ANKS1B: variants seen among roughly 807,000 people sequenced by gnomAD.
The protein encoded by ANKS1B is ankyrin repeat and sterile alpha motif domain-containing protein 1B.
ANKS1B carries 36 observed loss-of-function variants against 148.3 expected under a neutral mutation model. The ratio of observed to expected loss-of-function variants is 0.24; its 90% CI spans 0.19 to 0.32. The LOEUF (loss-of-function observed/expected upper bound fraction) is 0.32. ANKS1B is among the 10% of genes least tolerant of loss of function. The probability of loss-of-function intolerance (pLI) is 1.00; values close to 1 mark genes in which losing one functional copy is unlikely to be tolerated. For missense variants in ANKS1B, 1,157 were observed against 1,542.6 expected (o/e 0.75, Z 4.19); for synonymous variants, 542 against 560.8 (o/e 0.97, Z 0.47).
intron 9 of ANKS1B, among the ~76,000 whole-genome samples, chr12:99,582,034 G>A (rs1168365026): frequency 6.6e-6 from 1 of 151,708 alleles, no homozygotes; most frequent in Non-Finnish European, 1.5e-5. Context: ...ACTGGTTTTT[G>A]TTTAATCATT....
intron 17 of ANKS1B, among the ~76,000 whole-genome samples, chr12:98,855,754 A>ATT (rs139846381): frequency 6.6e-6 from 1 of 152,006 alleles, no homozygotes; most frequent in East Asian, 1.9e-4. Flanking sequence ...TTGGCCAGTG[A>ATT]TTTTTTTTAA....
intron 12 of ANKS1B, among the ~76,000 whole-genome samples, chr12:99,387,982 A>AT (rs1254518234): frequency 1.3e-5 from 2 of 152,234 alleles, no homozygotes; most frequent in East Asian, 3.9e-4. Context: ...ATATATTTGG[A>AT]TAGAGGTGAA....
intron 12 of ANKS1B, among the ~76,000 whole-genome samples, chr12:99,366,085 C>A (rs1007170664): frequency 3.3e-5 from 5 of 152,180 alleles, no homozygotes; most frequent in African/African-American, 1.2e-4. Context: ...CAGGGGGCAG[C>A]CCCCTCTGGA....
At chr12:99,258,430 A>T (rs887577591) in intron 12 of ANKS1B, among the ~76,000 whole-genome samples, 2 of 147,350 alleles carry the variant, frequency 1.4e-5, no homozygotes, top group African/African-American at 2.5e-5. Context: ...ATCTTCATTT[A>T]AAAAAAAAAG....
chr12:99,701,174 T>G (rs1165992241), intron 8 of ANKS1B, among the ~76,000 whole-genome samples: 4 of 152,196 alleles, frequency 2.6e-5, no homozygotes, highest in Admixed American at 2.6e-4. Flanking sequence ...ATCTCTTGGT[T>G]GTGCCACCAC....
chr12:99,008,492 T>C (rs1052909628), intron 17 of ANKS1B, among the ~76,000 whole-genome samples: 1 of 152,204 alleles, frequency 6.6e-6, no homozygotes, highest in African/African-American at 2.4e-5. Context: ...TATTACCACC[T>C]GCTCCAATCA....
intron 14 of ANKS1B, among the ~76,000 whole-genome samples, chr12:99,181,080 TAA>T (rs2079057431): frequency 6.6e-6 from 1 of 152,202 alleles, no homozygotes; most frequent in African/African-American, 2.4e-5. Flanking sequence ...AATCTAAGCA[TAA>T]AAATATAGCT....
intron 1 of ANKS1B, among the ~76,000 whole-genome samples, chr12:99,886,420 A>G (rs2092823162): frequency 6.6e-6 from 1 of 152,230 alleles, no homozygotes; most frequent in Non-Finnish European, 1.5e-5. Context: ...CAAAAACACA[A>G]TGGCATTTCC....
chr12:98,978,909 C>T (rs974447142), intron 17 of ANKS1B, among the ~76,000 whole-genome samples: 2 of 151,924 alleles, frequency 1.3e-5, no homozygotes, highest in South Asian at 2.1e-4. Flanking sequence ...TTTGGGAGGC[C>T]GAGACAGGCA....
At chr12:99,085,074 A>G in intron 15 of ANKS1B, 51 bp from the exon 16 acceptor site, 1 of 1,395,208 alleles carries the variant, frequency 7.2e-7, no homozygotes, top group Admixed American at 2.0e-5. Context: ...TATACTGTGG[A>G]TAAATAACAA....
intron 1 of ANKS1B, among the ~76,000 whole-genome samples, chr12:99,889,822 A>C (rs539147209): frequency 1.3e-5 from 2 of 152,340 alleles, no homozygotes; most frequent in East Asian, 1.9e-4. Context: ...TTAAAACTAG[A>C]ACCTAAATAT....
intron 15 of ANKS1B, among the ~76,000 whole-genome samples, chr12:99,124,979 A>C (rs1434618510): frequency 6.6e-6 from 1 of 152,140 alleles, no homozygotes; most frequent in Non-Finnish European, 1.5e-5. Flanking sequence ...TAAAGAGAGA[A>C]TAGAGGTGAA....
At chr12:99,466,874 G>T (rs1268554376) in intron 10 of ANKS1B, among the ~76,000 whole-genome samples, 1 of 152,020 alleles carries the variant, frequency 6.6e-6, no homozygotes, top group Non-Finnish European at 1.5e-5. Context: ...GGAGGAACTG[G>T]TACCATTCCT....
intron 12 of ANKS1B, among the ~76,000 whole-genome samples, chr12:99,255,287 T>C (rs2075123340): frequency 6.6e-6 from 1 of 152,096 alleles, no homozygotes; most frequent in African/African-American, 2.4e-5. Context: ...AAATTATTCA[T>C]TCTTCTTTCT....
intron 21 of ANKS1B, among the ~76,000 whole-genome samples, chr12:98,800,217 G>GAAAAAA (rs770133422): frequency 1.5e-4 from 6 of 39,158 alleles, no homozygotes; most frequent in East Asian, 8.2e-4. Context: ...AGCAGAAAAT[G>GAAAAAA]AAAAAAAAAA....
At chr12:98,894,084 A>G (rs1015706470) in intron 17 of ANKS1B, among the ~76,000 whole-genome samples, 1 of 152,154 alleles carries the variant, frequency 6.6e-6, no homozygotes, top group Non-Finnish European at 1.5e-5. Context: ...TTAACATTGG[A>G]AAGTCCATGC....
chr12:99,717,301 G>C (rs957756396), intron 8 of ANKS1B, among the ~76,000 whole-genome samples: 1 of 152,142 alleles, frequency 6.6e-6, no homozygotes, highest in Non-Finnish European at 1.5e-5. Context: ...TACAATAATA[G>C]GGTAGAGGCA....
At chr12:99,490,657 T>C (rs1318616997) in intron 10 of ANKS1B, among the ~76,000 whole-genome samples, 1 of 152,224 alleles carries the variant, frequency 6.6e-6, no homozygotes, top group Non-Finnish European at 1.5e-5. Context: ...AAATGTAATC[T>C]ATTAGATAAA....
chr12:99,282,488 C>A (rs971452521), intron 12 of ANKS1B, among the ~76,000 whole-genome samples: 1 of 152,130 alleles, frequency 6.6e-6, no homozygotes, highest in African/African-American at 2.4e-5. Flanking sequence ...ACTACTCTGG[C>A]TACTCTTGTG....
Sources: allele counts gnomAD v4.1 joint callset (sites outside exome capture counted in the v4.1 genomes callset), GRCh38; gene constraint gnomAD v4.1.1; transcripts MANE v1.5; gene names NCBI Gene and HGNC (gene_info 2026-07-23, HGNC 2026-07-21).